NCAPG: variants seen among roughly 807,000 people sequenced by gnomAD.
The protein encoded by NCAPG is non-SMC condensin I complex subunit G.
A neutral mutation model predicts 113.1 loss-of-function variants in NCAPG; 69 were observed. That is an observed-to-expected ratio of 0.61 (90% CI 0.50 to 0.75). NCAPG has a LOEUF of 0.75. NCAPG is among the 30% of genes least tolerant of loss of function. The pLI, the probability that NCAPG is intolerant of heterozygous loss-of-function variation, is 0.00. For synonymous variants in NCAPG, 370 were observed against 415.8 expected (o/e 0.89, Z 1.34); for missense variants, 1,058 against 1,177.0 (o/e 0.90, Z 1.48).
chr4:17,837,319 C>T lies in NCAPG; in HGVS notation c.2270C>T (p.Pro757Leu). 2 of 1,613,114 alleles carry T rather than the reference C, an allele frequency of 1.2e-6. No individual in the cohort carries two copies. Among genetic ancestry groups the T allele is most frequent in the South Asian group, 2.2e-5 (2 of 90,898 alleles). ...QLRHCLGVFF[P>L]VFAYASRTNQ... ...CGACATTGCCTAGGCGTGTTCTTCC[C>T]CGTGTTTGCTTATGCAAGCAGGTAT... The change falls in exon 15 of 21, where the codon CCC (proline) becomes CTC (leucine). Residue 757 changes from proline to leucine, a missense_variant. Physicochemically the swap from Pro to Leu is moderately conservative, Grantham distance 98. Transcript: ENST00000251496.
At chr4:17,820,418 A>G (rs544708356) in intron 7 of NCAPG, among the ~76,000 whole-genome samples, 23 of 152,110 alleles carry the variant, frequency 1.5e-4, no homozygotes, top group African/African-American at 4.8e-4. Context: ...TAGCCAACAT[A>G]GTGAAACCCC....
chr4:17,820,718 C>T (rs1216662252), intron 7 of NCAPG, among the ~76,000 whole-genome samples: 2 of 152,084 alleles, frequency 1.3e-5, no homozygotes, highest in Non-Finnish European at 2.9e-5. Context: ...GATTAGTATA[C>T]TTGAGTACAG....
intron 14 of NCAPG, 124 bp from the exon 15 acceptor site, chr4:17,837,035 G>T: frequency 2.6e-6 from 2 of 763,274 alleles, no homozygotes; most frequent in East Asian, 2.9e-5. Flanking sequence ...TGCCTTTAAA[G>T]AATTTGTAAT....
chr4:17,816,210 A>T (rs1721201670), intron 5 of NCAPG, among the ~76,000 whole-genome samples: 1 of 152,102 alleles, frequency 6.6e-6, no homozygotes, highest in African/African-American at 2.4e-5. Flanking sequence ...CATTACTTAG[A>T]TTCTCATAAG....
intron 7 of NCAPG, among the ~76,000 whole-genome samples, chr4:17,819,045 T>C (rs1721337698): frequency 6.6e-6 from 1 of 152,190 alleles, no homozygotes; most frequent in Non-Finnish European, 1.5e-5. Flanking sequence ...TTTATATACA[T>C]TTTTTGAGTA....
chr4:17,830,509 G>A (rs993412375), intron 12 of NCAPG, among the ~76,000 whole-genome samples: 2 of 150,378 alleles, frequency 1.3e-5, no homozygotes, highest in Non-Finnish European at 1.5e-5. Flanking sequence ...CTACAGATAC[G>A]ATGTTTTGGT....
intron 11 of NCAPG, 56 bp downstream of exon 11, chr4:17,825,617 ATCTTATT>A: frequency 1.4e-6 from 2 of 1,437,382 alleles, no homozygotes; most frequent in Middle Eastern, 3.6e-4. Flanking sequence ...TCTCAACTAA[ATCTTATT>A]TTCTCTAACT....
chr4:17,829,520 T>G (rs1475065445), intron 12 of NCAPG, among the ~76,000 whole-genome samples: 1 of 152,176 alleles, frequency 6.6e-6, no homozygotes, highest in Non-Finnish European at 1.5e-5. Flanking sequence ...ATTGAAGTAG[T>G]AAATACGAAG....
At position 17,837,319 on chromosome 4, in the gene NCAPG, C is replaced by G. The variant is rs1298147785; in HGVS notation, c.2270C>G (p.Pro757Arg). The G allele has an allele frequency of 6.2e-7, 1 of 1,612,996 alleles. No individual in the cohort carries two copies. The highest frequency in any genetic ancestry group is 8.5e-7 in the Non-Finnish European group (1 of 1,179,624). The change falls in exon 15 of 21, where the codon CCC becomes CGC. Residue 757 changes from proline (P) to arginine (R), a missense_variant. By Grantham distance (103) the Pro-to-Arg change is moderately radical. Transcript: ENST00000251496. ...QLRHCLGVFF[P>R]VFAYASRTNQ... ...CGACATTGCCTAGGCGTGTTCTTCCCCGTGTTTGCTTATGCAAGCAGGTAT... is the reference window on the plus strand; with the variant it reads ...CGACATTGCCTAGGCGTGTTCTTCCGCGTGTTTGCTTATGCAAGCAGGTAT...
At chr4:17,841,436 C>G (rs894526661) in intron 19 of NCAPG, 1 of 151,802 alleles carries the variant, frequency 6.6e-6, no homozygotes, top group Non-Finnish European at 1.5e-5. Flanking sequence ...TATTTAAATA[C>G]CAATTGCTGG....
rs566914869 is a variant in NCAPG, at chr4:17,838,103, A to G, written c.2466+302A>G. On this transcript the variant is annotated intron_variant, in intron 16 of 20. Transcript: ENST00000251496. Reference sequence around the variant, plus strand: ...AACCTATGTTATCTAGGACTCACAGAGTCTTCAAATGTTGGCTTACCTGCT... The same window carrying G: ...AACCTATGTTATCTAGGACTCACAGGGTCTTCAAATGTTGGCTTACCTGCT... Among the ~76,000 whole-genome samples the G allele has an allele frequency of 2.0e-5, 3 of 152,350 alleles. No homozygotes were observed. In the South Asian group the frequency reaches 6.2e-4, roughly 32 times the overall value.
intron 14 of NCAPG, 132 bp from the exon 15 acceptor site, chr4:17,837,027 C>T: frequency 2.9e-6 from 2 of 682,192 alleles, no homozygotes. Context: ...TTTTTATTTG[C>T]CTTTAAAGAA....
At chr4:17,821,799 C>A (rs1477431471) in intron 7 of NCAPG, among the ~76,000 whole-genome samples, 1 of 151,826 alleles carries the variant, frequency 6.6e-6, no homozygotes, top group Non-Finnish European at 1.5e-5. Context: ...CATTTTTGAT[C>A]AGGATTGTTT....
At chr4:17,825,605 C>A in intron 11 of NCAPG, 44 bp downstream of exon 11, 1 of 1,479,752 alleles carries the variant, frequency 6.8e-7, no homozygotes, top group Non-Finnish European at 9.1e-7. Context: ...TGTTATTAAT[C>A]ATCTCAACTA....
In NCAPG at chr4:17,828,382, A is replaced by G. The variant is rs377613153; in HGVS notation, c.1758A>G (p.Glu586=). Residue 586 remains glutamate, a synonymous_variant, in exon 12 of 21, where the codon GAA becomes GAG. Coordinates refer to ENST00000251496, the MANE Select transcript of NCAPG (RefSeq NM_022346.5). ...GLSATMNGII[E]SLILPGIISI... is the part of the protein sequence containing the mutation. ...GTGCAACCATGAATGGAATCATCGA[A>G]TCTTTGGTATGTTGATGGCCTCTTG... 3.3e-5 allele frequency: 53 copies of G among 1,599,380 alleles called. No individual in the cohort carries two copies. The highest frequency in any genetic ancestry group is 3.0e-4 in the African/African-American group (22 of 74,404).
chr4:17,826,861 C>CT (rs1158941617), intron 11 of NCAPG, among the ~76,000 whole-genome samples: 1 of 152,204 alleles, frequency 6.6e-6, no homozygotes, highest in Non-Finnish European at 1.5e-5. Flanking sequence ...TCAGAGGATA[C>CT]TTTTTCTGTG....
Position 17,843,457 on chromosome 4 carries a change from T to TATG in NCAPG, c.*33_*35dup. On this transcript the variant is annotated 3_prime_UTR_variant, in exon 21 of 21. Transcript: ENST00000251496. ...CGATGGAGGTGGAATCCTTTAAGAT[T>TATG]ATGTCCAGTTATTTGCTTTAATAAA... is the stretch of plus-strand genomic sequence containing the variant. 1 of 1,602,124 alleles carries TATG rather than the reference T, an allele frequency of 6.2e-7. No individual in the cohort carries two copies. Among genetic ancestry groups the TATG allele is most frequent in the Admixed American group, 1.7e-5 (1 of 58,642 alleles).
intron 20 of NCAPG, chr4:17,842,958 A>G (rs563839491): frequency 5.9e-6 from 1 of 169,756 alleles, no homozygotes; most frequent in African/African-American, 2.4e-5. Flanking sequence ...GAGAGAACTT[A>G]ATTTTTTTGT....
chr4:17,820,641 T>A (rs1233047459), intron 7 of NCAPG, among the ~76,000 whole-genome samples: 2 of 152,094 alleles, frequency 1.3e-5, no homozygotes, highest in Non-Finnish European at 2.9e-5. Context: ...AAATTTATTT[T>A]AGTGATTGTT....
Sources: allele counts gnomAD v4.1 joint callset (sites outside exome capture counted in the v4.1 genomes callset), GRCh38; gene constraint gnomAD v4.1.1; transcripts MANE v1.5; gene names NCBI Gene and HGNC (gene_info 2026-07-23, HGNC 2026-07-21).